The following FSIP2 variants were observed in gnomAD, a reference collection of about 807,000 sequenced individuals.
FSIP2 encodes the protein fibrous sheath-interacting protein 2.
A neutral mutation model predicts 510.5 loss-of-function variants in FSIP2; 367 were observed. The observed-to-expected ratio is 0.72, with a 90% CI of 0.66 to 0.78. The LOEUF is 0.78. Among genes scored for constraint, FSIP2 ranks in the 30% least tolerant of loss-of-function variants. The pLI is 0.00. For missense variants in FSIP2, 7,594 were observed against 7,901.7 expected (o/e 0.96, Z 1.48); for synonymous variants, 2,601 against 2,732.2 (o/e 0.95, Z 1.50).
rs554273741 is a variant in FSIP2, at chr2:185,776,821, G to A, written c.1412-5884G>A. Reference sequence around the variant, plus strand: ...GTGATCTCGGCTCACTGCAACTTCCGCCTCCCGGGTTCAAGTGACTCTCCT... The same window carrying A: ...GTGATCTCGGCTCACTGCAACTTCCACCTCCCGGGTTCAAGTGACTCTCCT... On this transcript the variant is annotated intron_variant, in intron 13 of 22. Coordinates refer to ENST00000424728, the MANE Select transcript of FSIP2 (RefSeq NM_173651.4). Among the ~76,000 whole-genome samples the A allele has an allele frequency of 5.3e-5, 8 of 150,362 alleles. No homozygotes were observed. The South Asian group carries it at 1.5e-3, about 28-fold the overall frequency.
At chr2:185,738,233 C>A (rs1322180095), upstream of FSIP2, 1 of 267,858 alleles carries the variant, frequency 3.7e-6, no homozygotes, top group East Asian at 1.2e-4. Context: ...CCAGAAGCGT[C>A]AAGCACTTTA....
At position 185,806,195 on chromosome 2, in the gene FSIP2, C is replaced by A. The variant is rs774581770; in HGVS notation, c.16889C>A (p.Ser5630Tyr). ...FKKDDKLFQLSSLKSKRNLGT... is the reference protein window; with the variant it reads ...FKKDDKLFQLYSLKSKRNLGT... ...AAAGATGACAAGCTCTTTCAGTTAT[C>A]CTCCTTGAAGTCCAAGAGAAATCTA... The change falls in exon 17 of 23, where the codon TCC (serine) becomes TAC (tyrosine). Residue 5630 changes from serine (S) to tyrosine (Y), a missense_variant. Ser to Tyr is a moderately radical substitution (Grantham distance 144, BLOSUM62 -2). Transcript: ENST00000424728. 46 of 1,593,030 alleles carry A rather than the reference C, an allele frequency of 2.9e-5. No individual in the cohort carries two copies. Among genetic ancestry groups the A allele is most frequent in the Non-Finnish European group, 3.6e-5 (42 of 1,173,598 alleles).
intron 9 of FSIP2, among the ~76,000 whole-genome samples, chr2:185,757,189 A>G (rs1001048573): frequency 1.3e-5 from 2 of 151,476 alleles, no homozygotes; most frequent in Non-Finnish European, 3.0e-5. Context: ...AGTTATCTCA[A>G]GCAAACTGAT....
intron 20 of FSIP2, among the ~76,000 whole-genome samples, chr2:185,824,733 ACTC>A (rs1420508073): frequency 6.6e-6 from 1 of 151,532 alleles, no homozygotes; most frequent in Non-Finnish European, 1.5e-5. Flanking sequence ...CATTTACCAT[ACTC>A]CTGTGAAATA....
rs771595052 is a variant in FSIP2, at chr2:185,789,928, C to T, written c.2792C>T (p.Thr931Ile). The T allele has an allele frequency of 6.5e-7, 1 of 1,533,574 alleles. No individual in the cohort carries two copies. Among genetic ancestry groups the T allele is most frequent in the South Asian group, 1.2e-5 (1 of 84,008 alleles). The allele number at this position is 1,533,574 out of a possible 1,614,324, so 95.0% of individuals were successfully genotyped here. A position where few individuals can be genotyped will look rare whatever the true frequency, so the allele number is the denominator to read the frequency against. The change falls in exon 16 of 23, where the codon ACC becomes ATC. Residue 931 changes from threonine (T) to isoleucine (I), a missense_variant. Coordinates refer to ENST00000424728, the MANE Select transcript of FSIP2 (RefSeq NM_173651.4). Reference protein sequence around the residue: ...NNERIIASEETVVLLQLLEDI... With the variant: ...NNERIIASEEIVVLLQLLEDI... ...GAGAGAATTATTGCATCTGAAGAAA[C>T]CGTAGTACTCCTTCAGCTACTTGAG...
intron 7 of FSIP2, among the ~76,000 whole-genome samples, chr2:185,751,461 CTGTGTGTGTGTGTGTG>C (rs56395901): frequency 1.5e-5 from 2 of 135,782 alleles, no homozygotes; most frequent in African/African-American, 5.4e-5. Context: ...CTTTATTTTT[CTGTGTGTGTGTGTGTG>C]TGTGTGTGTG....
chr2:185,785,845 G>C (rs1259675974), intron 14 of FSIP2, among the ~76,000 whole-genome samples: 1 of 151,872 alleles, frequency 6.6e-6, no homozygotes, highest in Non-Finnish European at 1.5e-5. Flanking sequence ...GTAAATAAAG[G>C]ATTATCAGAA....
chr2:185,833,215 G>A lies in FSIP2; in HGVS notation c.20713G>A (p.Asp6905Asn), dbSNP rs1312195677. 4 of 1,606,894 alleles carry A rather than the reference G, an allele frequency of 2.5e-6. No homozygotes were observed. The highest frequency in any genetic ancestry group is 3.4e-6 in the Non-Finnish European group (4 of 1,176,980). ...ISRSSSPAHQ[D>N]EH ...CAGATCTTCCTCACCAGCTCACCAGGATGAACACTGAAGCTTTTGTACCTG... is the reference window on the plus strand; with the variant it reads ...CAGATCTTCCTCACCAGCTCACCAGAATGAACACTGAAGCTTTTGTACCTG... Residue 6905 changes from aspartate to asparagine, a missense_variant, in exon 23 of 23, where the codon GAT becomes AAT. Physicochemically the swap from Asp to Asn is conservative, Grantham distance 23. Transcript: ENST00000424728.
intron 10 of FSIP2, 32 bp downstream of exon 10, chr2:185,761,135 T>C: frequency 1.1e-6 from 1 of 876,426 alleles, no homozygotes; most frequent in Non-Finnish European, 1.7e-6. Context: ...TTTTGTGTTG[T>C]ATTTATTAAT....
rs1333558826 is a variant in FSIP2, at chr2:185,800,529, TA to T, written c.11225del (p.Asn3742ThrfsTer50). The part of the protein sequence containing the change: ...NEQPNSILTN[N>X]LQLSSKSVFL... ...AGCAACCTAATAGCATACTTACCAA[TA>T]ACCTACAGCTCTCCTCAAAATCAGT... On this transcript the variant is annotated frameshift_variant, in exon 17 of 23. Transcript: ENST00000424728. LOFTEE classifies it high-confidence loss of function. The T allele has an allele frequency of 2.6e-6, 4 of 1,530,528 alleles. No homozygotes were observed. The African/African-American group carries it at 5.5e-5, about 21-fold the overall frequency. 94.8% of individuals were successfully genotyped at this position (1,530,528 alleles called of 1,614,324 possible).
chr2:185,781,022 A>G (rs1042414018), intron 13 of FSIP2, among the ~76,000 whole-genome samples: 3 of 151,538 alleles, frequency 2.0e-5, no homozygotes, highest in Admixed American at 6.6e-5. Flanking sequence ...CACAGCCAAA[A>G]GCCAAGACAT....
At chr2:185,741,456 G>A (rs1691920695) in intron 2 of FSIP2, among the ~76,000 whole-genome samples, 1 of 152,154 alleles carries the variant, frequency 6.6e-6, no homozygotes, top group Non-Finnish European at 1.5e-5. Flanking sequence ...TAGTTTACAG[G>A]TCAGGAGCTC....
intron 13 of FSIP2, among the ~76,000 whole-genome samples, chr2:185,773,462 A>G (rs1412205491): frequency 6.6e-6 from 1 of 152,188 alleles, no homozygotes; most frequent in Non-Finnish European, 1.5e-5. Context: ...TGGGACCCCA[A>G]TTCAAACATA....
At position 185,794,192 on chromosome 2, in the gene FSIP2, T is replaced by G. The variant is rs1693211887; in HGVS notation, c.7056T>G (p.Ala2352=). 6.5e-7 allele frequency: 1 copy of G among 1,534,780 alleles called. No homozygotes were observed. ...CGCAAGCTAGGCTTAAGACATATGC[T>G]GACGTCATTGCCAGTGCCATTTTGA... The part of the protein sequence containing the change: ...HLSQARLKTY[A]DVIASAILKL... Residue 2352 remains alanine (A), a synonymous_variant, in exon 16 of 23, where the codon GCT becomes GCG. Transcript: ENST00000424728.
chr2:185,808,880 T>G lies in FSIP2; in HGVS notation c.19574T>G (p.Val6525Gly), dbSNP rs768711156. ...TCTCCAATTAAAATAGTTCCACATGTTGGAAAAAAACCAGTCAAAATAGAT... is the reference window on the plus strand; with the variant it reads ...TCTCCAATTAAAATAGTTCCACATGGTGGAAAAAAACCAGTCAAAATAGAT... ...EESPIKIVPHVGKKPVKIDPK... is the reference protein window; with the variant it reads ...EESPIKIVPHGGKKPVKIDPK... The change falls in exon 17 of 23, where the codon GTT becomes GGT. Residue 6525 changes from valine to glycine, a missense_variant. Coordinates refer to ENST00000424728, the MANE Select transcript of FSIP2 (RefSeq NM_173651.4). 1.2e-6 allele frequency: 2 copies of G among 1,608,278 alleles called. No homozygotes were observed. The highest frequency in any genetic ancestry group is 2.2e-5 in the South Asian group (2 of 89,602).
chr2:185,803,279 C>A lies in FSIP2; in HGVS notation c.13973C>A (p.Ala4658Asp). 6.5e-7 allele frequency: 1 copy of A among 1,526,782 alleles called. No homozygotes were observed. The highest frequency in any genetic ancestry group is 1.2e-5 in the South Asian group (1 of 82,522). The allele number at this position is 1,526,782 out of a possible 1,614,324, so 94.6% of individuals were successfully genotyped here. A position where few individuals can be genotyped will look rare whatever the true frequency, so the allele number is the denominator to read the frequency against. ...RDSEDELFEK[A>D]EELIHLITGE... ...TCAGAAGATGAACTGTTTGAGAAAG[C>A]TGAAGAACTCATACATTTGATTACA... is the stretch of plus-strand genomic sequence containing the variant. Residue 4658 changes from alanine to aspartate, a missense_variant, in exon 17 of 23, where the codon GCT becomes GAT. Coordinates refer to ENST00000424728, the MANE Select transcript of FSIP2 (RefSeq NM_173651.4).
At chr2:185,756,090 T>C (rs1574157751) in intron 8 of FSIP2, 102 bp from the exon 9 acceptor site, 2 of 428,264 alleles carry the variant, frequency 4.7e-6, no homozygotes, top group East Asian at 3.3e-5. Flanking sequence ...CAGATTAGCA[T>C]ATAGTTCAGC....
chr2:185,805,111 C>G lies in FSIP2; in HGVS notation c.15805C>G (p.Pro5269Ala). Residue 5269 changes from proline (P) to alanine (A), a missense_variant, in exon 17 of 23, where the codon CCT becomes GCT. Pro to Ala is a conservative substitution (Grantham distance 27). Transcript: ENST00000424728. Reference protein sequence around the residue: ...LAKSGKEKTQPSLYSATFLED... With the variant: ...LAKSGKEKTQASLYSATFLED... ...TAAATCTGGTAAAGAAAAGACACAG[C>G]CTTCTCTCTATTCAGCTACATTTTT... 1 of 1,608,180 alleles carries G rather than the reference C, an allele frequency of 6.2e-7. No individual in the cohort carries two copies. Among genetic ancestry groups the G allele is most frequent in the African/African-American group, 1.3e-5 (1 of 74,720 alleles).
chr2:185,746,740 T>C lies in FSIP2; in HGVS notation c.689T>C (p.Met230Thr), dbSNP rs1306086476. 1.3e-6 allele frequency: 2 copies of C among 1,532,068 alleles called. No individual in the cohort carries two copies. The highest frequency in any genetic ancestry group is 2.4e-5 in the East Asian group (1 of 40,864). The allele number at this position is 1,532,068 out of a possible 1,614,324, so 94.9% of individuals were successfully genotyped here. A position where few individuals can be genotyped will look rare whatever the true frequency, so the allele number is the denominator to read the frequency against. Residue 230 changes from methionine (M) to threonine (T), a missense_variant, in exon 6 of 23, where the codon ATG becomes ACG. Coordinates refer to ENST00000424728, the MANE Select transcript of FSIP2 (RefSeq NM_173651.4). ...GCAGAAGAACAACGCCTATTCCTAA[T>C]GGATAGAGAAGAAAGACGACAGCGG... ...RTAEEQRLFL[M>T]DREERRQREH...
Sources: gnomAD v4.1 joint callset for allele counts (sites outside exome capture counted in the v4.1 genomes callset) on GRCh38, gnomAD v4.1.1 for gene constraint, MANE v1.5 for transcripts, NCBI Gene and HGNC (gene_info 2026-07-23, HGNC 2026-07-21) for gene names.